Variants in WNT9B observed in about 807,000 individuals in gnomAD.
WNT9B encodes the protein protein Wnt-9b.
WNT9B carries 12 observed loss-of-function variants against 30.2 expected under a neutral mutation model. The observed-to-expected ratio is 0.40, with a 90% CI of 0.26 to 0.64. The LOEUF (loss-of-function observed/expected upper bound fraction) is 0.64, where lower values mean the gene tolerates loss of function less well. Ranked by LOEUF, WNT9B falls within the 30% of genes least tolerant of loss-of-function variation. WNT9B has a pLI of 0.42. For missense variants in WNT9B, 442 were observed against 485.2 expected (o/e 0.91, Z 0.84); for synonymous variants, 218 against 216.9 (o/e 1.01, Z -0.05).
chr17:46,842,989 G>A (rs144028402), intron 1 of WNT9B, among the ~76,000 whole-genome samples: 1 of 152,282 alleles, frequency 6.6e-6, no homozygotes, highest in African/African-American at 2.4e-5. Flanking sequence ...AGGACCCAGG[G>A]TTCTCTCCAT....
At chr17:46,854,785 C>T (rs1023250423) in intron 1 of WNT9B, among the ~76,000 whole-genome samples, 11 of 152,010 alleles carry the variant, frequency 7.2e-5, no homozygotes, top group Admixed American at 3.3e-4. Context: ...CTCAGCTTTC[C>T]GAGAGCTAGG....
chr17:46,840,703 G>T (rs1204571052), intron 1 of WNT9B, among the ~76,000 whole-genome samples: 3 of 152,170 alleles, frequency 2.0e-5, no homozygotes, highest in Non-Finnish European at 4.4e-5. Flanking sequence ...TCTAACTGGC[G>T]TGAGATGGTA....
intron 1 of WNT9B, among the ~76,000 whole-genome samples, chr17:46,854,359 G>C (rs2084905178): frequency 6.6e-6 from 1 of 152,200 alleles, no homozygotes; most frequent in African/African-American, 2.4e-5. Context: ...AACACAAAGT[G>C]CTTTGGCATC....
At chr17:46,843,802 G>A (rs182570415) in intron 1 of WNT9B, among the ~76,000 whole-genome samples, 94 of 152,312 alleles carry the variant, frequency 6.2e-4, no homozygotes, top group African/African-American at 2.2e-3. Flanking sequence ...AGATATGTCA[G>A]AATGCTCTCT....
At position 46,872,644 on chromosome 17, in the gene WNT9B, C is replaced by G; in HGVS notation, c.205C>G (p.Arg69Gly). The G allele has an allele frequency of 6.2e-7, 1 of 1,613,628 alleles. No homozygotes were observed. Among genetic ancestry groups the G allele is most frequent in the Non-Finnish European group, 8.5e-7 (1 of 1,179,978 alleles). Reference protein sequence around the residue: ...KLSRRQKQLCRREPGLAETLR... With the variant: ...KLSRRQKQLCGREPGLAETLR... ...GTCCCGGCGGCAGAAGCAGCTCTGC[C>G]GGAGGGAGCCCGGCCTGGCTGAGAC... The change falls in exon 2 of 4, where the codon CGG becomes GGG. Residue 69 changes from arginine to glycine, a missense_variant. Arg to Gly is a moderately radical substitution (Grantham distance 125). Coordinates refer to ENST00000290015, the MANE Select transcript of WNT9B (RefSeq NM_003396.3).
intron 1 of WNT9B, among the ~76,000 whole-genome samples, chr17:46,854,067 C>T (rs903652419): frequency 1.3e-5 from 2 of 152,098 alleles, no homozygotes; most frequent in East Asian, 3.9e-4. Flanking sequence ...AAAGAGCTGA[C>T]AAAAGACACA....
chr17:46,834,449 G>A (rs2084599581), intron 1 of WNT9B, among the ~76,000 whole-genome samples: 1 of 152,132 alleles, frequency 6.6e-6, no homozygotes, highest in African/African-American at 2.4e-5. Flanking sequence ...AGGGCACCTG[G>A]CAAGTTCTGC....
Position 46,876,774 on chromosome 17 carries a change from A to G in WNT9B, c.*56A>G. 2.0e-6 allele frequency: 3 copies of G among 1,484,852 alleles called. No homozygotes were observed. Among genetic ancestry groups the G allele is most frequent in the Non-Finnish European group, 2.7e-6 (3 of 1,115,134 alleles). The allele number at this position is 1,484,852 out of a possible 1,614,324, so 92.0% of individuals were successfully genotyped here. ...GCCAGGACCTCCTGTGGCACCCTTC[A>G]AGCTGCCCAGCCGGCCCTCTGGGCA... is the stretch of plus-strand genomic sequence containing the variant. On this transcript the variant is annotated 3_prime_UTR_variant, in exon 4 of 4. Transcript: ENST00000290015.
chr17:46,851,589 G>A lies in WNT9B; in HGVS notation c.-50G>A. The A allele has an allele frequency of 9.1e-7, 1 of 1,093,566 alleles. No individual in the cohort carries two copies. The highest frequency in any genetic ancestry group is 1.2e-6 in the Non-Finnish European group (1 of 861,288). 67.7% of individuals were successfully genotyped at this position (1,093,566 alleles called of 1,614,324 possible). On this transcript the variant is annotated 5_prime_UTR_variant, in exon 1 of 4. Transcript: ENST00000290015. The surrounding 1 kb of genome is among the most constrained non-coding windows in gnomAD (Gnocchi z 4.3). The stretch of plus-strand genomic sequence containing the variant: ...CGCGGGCGGGTGGTGGCGGAGCTGC[G>A]AGCTTGAGCGGCGCGAGGAGATGCT...
At chr17:46,846,639 T>A (rs575245284), upstream of WNT9B, among the ~76,000 whole-genome samples, 1 of 152,368 alleles carries the variant, frequency 6.6e-6, no homozygotes, top group Non-Finnish European at 1.5e-5. Flanking sequence ...ACCAAAGGGC[T>A]GCTTCTCTGC....
chr17:46,866,517 G>A (rs2085140484), intron 1 of WNT9B, among the ~76,000 whole-genome samples: 1 of 151,712 alleles, frequency 6.6e-6, no homozygotes, highest in Non-Finnish European at 1.5e-5. Flanking sequence ...GGCCAGGAGA[G>A]GTAGACTGAG....
At chr17:46,866,183 C>T (rs2085131510) in intron 1 of WNT9B, among the ~76,000 whole-genome samples, 1 of 152,020 alleles carries the variant, frequency 6.6e-6, no homozygotes, top group African/African-American at 2.4e-5. Flanking sequence ...AGTGTAACAG[C>T]AGGAGGGGAG....
rs1213829551 is a variant in WNT9B, at chr17:46,875,326, G to A, written c.560G>A (p.Arg187Gln). The A allele has an allele frequency of 7.4e-6, 12 of 1,612,680 alleles. No homozygotes were observed. Among genetic ancestry groups the A allele is most frequent in the Non-Finnish European group, 9.3e-6 (11 of 1,178,982 alleles). Residue 187 changes from arginine to glutamine, a missense_variant, in exon 3 of 4, where the codon CGG becomes CAG. Transcript: ENST00000290015. ...TCCAAGAGAGGAAACAAGGACCTGCGGGCACGGGCAGACGCCCACAATACC... is the reference window on the plus strand; with the variant it reads ...TCCAAGAGAGGAAACAAGGACCTGCAGGCACGGGCAGACGCCCACAATACC... ...LGSKRGNKDLRARADAHNTHV... is the reference protein window; with the variant it reads ...LGSKRGNKDLQARADAHNTHV...
upstream of WNT9B, chr17:46,851,546 C>G (rs2084844791): frequency 1.6e-6 from 1 of 641,876 alleles, no homozygotes; most frequent in Admixed American, 4.6e-5. The surrounding 1 kb of genome is among the most constrained non-coding windows in gnomAD (Gnocchi z 4.3). Context: ...TGCCCCGCCC[C>G]ACCCGGGTTT....
At chr17:46,860,138 G>A (rs1245640457) in intron 1 of WNT9B, among the ~76,000 whole-genome samples, 6 of 152,178 alleles carry the variant, frequency 3.9e-5, no homozygotes, top group African/African-American at 1.4e-4. Context: ...CTCTGGCTGA[G>A]CTGTAACCCC....
chr17:46,846,437 T>C (rs545270509), intron 1 of WNT9B, among the ~76,000 whole-genome samples: 4 of 152,232 alleles, frequency 2.6e-5, no homozygotes, highest in Admixed American at 2.6e-4. Context: ...GTGTCTGCAG[T>C]CTACACATAG....
chr17:46,875,045 T>TCCTTTCCTCTCTTCCC (rs774950239), intron 2 of WNT9B, 56 bp from the exon 3 acceptor site: 2 of 1,613,114 alleles, frequency 1.2e-6, no homozygotes, highest in African/African-American at 1.3e-5. Context: ...CTAAGCTTCC[T>TCCTTTCCTCTCTTCCC]CCTTTCCTCT....
chr17:46,843,597 A>C (rs916590841), intron 1 of WNT9B, among the ~76,000 whole-genome samples: 78 of 152,122 alleles, frequency 5.1e-4, no homozygotes, highest in African/African-American at 1.9e-3. Context: ...CAGTCGTTAA[A>C]TATGTGTCTT....
chr17:46,875,003 G>A lies in WNT9B; in HGVS notation c.335-98G>A, dbSNP rs751184496. ...TGCCCATCACAGCGCTGCCACCACC[G>A]CCTCTGGCCCTCAGAGGGCGGCAGG... On this transcript the variant is annotated intron_variant, in intron 2 of 3. Coordinates refer to ENST00000290015, the MANE Select transcript of WNT9B (RefSeq NM_003396.3). The A allele has an allele frequency of 8.2e-6, 13 of 1,589,110 alleles. No homozygotes were observed. The East Asian group carries it at 8.9e-5, about 11-fold the overall frequency.
Sources: gnomAD v4.1 joint callset for allele counts (sites outside exome capture counted in the v4.1 genomes callset) on GRCh38, gnomAD v4.1.1 for gene constraint, Gnocchi (gnomAD v3.1) non-coding constraint, MANE v1.5 for transcripts, NCBI Gene and HGNC (gene_info 2026-07-23, HGNC 2026-07-21) for gene names.